MAP7: variants seen among roughly 807,000 people sequenced by gnomAD.
MAP7 encodes microtubule associated protein 7, also known as ensconsin.
MAP7 carries 52 observed loss-of-function variants against 94.8 expected under a neutral mutation model. That is an observed-to-expected ratio of 0.55 (90% CI 0.44 to 0.69). The LOEUF is 0.69. Ranked by LOEUF, MAP7 falls within the 30% of genes least tolerant of loss-of-function variation. The pLI, the probability that MAP7 is intolerant of heterozygous loss-of-function variation, is 0.00. For missense variants in MAP7, 940 were observed against 964.6 expected (o/e 0.97, Z 0.34); for synonymous variants, 350 against 357.0 (o/e 0.98, Z 0.22).
chr6:136,526,813 G>T, intron 1 of MAP7: 1 of 329,546 alleles, frequency 3.0e-6, no homozygotes. Context: ...GGCATGGCTG[G>T]TACCCACAGA....
chr6:136,371,399 A>G (rs1164971684), intron 8 of MAP7, among the ~76,000 whole-genome samples: 1 of 152,118 alleles, frequency 6.6e-6, no homozygotes, highest in African/African-American at 2.4e-5. Flanking sequence ...ATAAATTAAA[A>G]CTTTCCAGAC....
At chr6:136,378,190 C>A (rs777011096) in intron 6 of MAP7, among the ~76,000 whole-genome samples, 10 of 150,506 alleles carry the variant, frequency 6.6e-5, no homozygotes, top group Non-Finnish European at 1.5e-4. Context: ...TGGTGTATAT[C>A]TATAACTCCA....
chr6:136,396,234 A>ATTTT, intron 3 of MAP7, among the ~76,000 whole-genome samples: 1 of 152,138 alleles, frequency 6.6e-6, no homozygotes, highest in African/African-American at 2.4e-5. Flanking sequence ...AATTTTTTTC[A>ATTTT]TCAGTGTTTT....
chr6:136,465,883 C>G (rs1190379536), intron 1 of MAP7, among the ~76,000 whole-genome samples: 1 of 152,082 alleles, frequency 6.6e-6, no homozygotes, highest in Non-Finnish European at 1.5e-5. Context: ...TTTTATAACA[C>G]AAATTTGCAA....
chr6:136,526,681 T>C (rs1827960025), intron 1 of MAP7: 1 of 985,332 alleles, frequency 1.0e-6, no homozygotes, highest in South Asian at 4.7e-5. Flanking sequence ...AGAGTTTTGC[T>C]TGCACAAGCA....
chr6:136,405,462 C>G (rs1785309914), intron 3 of MAP7, among the ~76,000 whole-genome samples: 1 of 152,172 alleles, frequency 6.6e-6, no homozygotes. Flanking sequence ...AGGAAAAACA[C>G]TCTAGGTGGA....
intron 1 of MAP7, among the ~76,000 whole-genome samples, chr6:136,487,470 G>C (rs949887228): frequency 6.6e-6 from 1 of 152,082 alleles, no homozygotes; most frequent in Non-Finnish European, 1.5e-5. Flanking sequence ...CAGCACTTTG[G>C]GAGACCAAGG....
At chr6:136,516,145 C>T (rs1409227837) in intron 1 of MAP7, among the ~76,000 whole-genome samples, 1 of 150,960 alleles carries the variant, frequency 6.6e-6, no homozygotes, top group Non-Finnish European at 1.5e-5. Flanking sequence ...GGTCTGGGGA[C>T]ATCCTTAGGG....
chr6:136,468,227 T>G (rs1320602171), intron 1 of MAP7, among the ~76,000 whole-genome samples: 14 of 152,188 alleles, frequency 9.2e-5, no homozygotes, highest in Admixed American at 9.2e-4. Context: ...ATGGTACTGA[T>G]CCTGACATTA....
chr6:136,523,496 T>A lies in MAP7; in HGVS notation c.67+26846A>T, dbSNP rs552419850. ...TACAGAACATTTCCATCATTTTCCA[T>A]GGAACAAAGCTGGACTACAAAGTGA... On this transcript the variant is annotated intron_variant, in intron 1 of 17. Coordinates refer to ENST00000354570, the MANE Select transcript of MAP7 (RefSeq NM_003980.6). 3.9e-5 allele frequency among the ~76,000 whole-genome samples: 6 copies of A among 152,352 alleles called. No homozygotes were observed. In the South Asian group the frequency reaches 1.2e-3, roughly 32 times the overall value.
chr6:136,389,319 G>T, intron 4 of MAP7, 35 bp downstream of exon 4: 1 of 1,511,784 alleles, frequency 6.6e-7, no homozygotes, highest in East Asian at 2.3e-5. Flanking sequence ...CTGAACTAGA[G>T]GAGCCACTCA....
chr6:136,466,715 G>A (rs531868358), intron 1 of MAP7: 286 of 1,518,798 alleles, frequency 1.9e-4, no homozygotes, highest in Non-Finnish European at 2.4e-4. Flanking sequence ...ATTCTTGAAC[G>A]TCCTTATTAA....
intron 1 of MAP7, among the ~76,000 whole-genome samples, chr6:136,442,405 C>CA (rs549791806): frequency 0.025 from 2,262 of 90,578 alleles, 97 homozygotes; most frequent in East Asian, 0.16. Flanking sequence ...ACTCTGTCTC[C>CA]AAAAAAAAAA....
At chr6:136,444,604 T>C (rs1798783987) in intron 1 of MAP7, among the ~76,000 whole-genome samples, 1 of 152,162 alleles carries the variant, frequency 6.6e-6, no homozygotes, top group Non-Finnish European at 1.5e-5. Context: ...ATAGTGATGT[T>C]TTCCTTAACC....
chr6:136,516,975 CA>C (rs397770361), intron 1 of MAP7, among the ~76,000 whole-genome samples: 195 of 139,868 alleles, frequency 1.4e-3, no homozygotes, highest in South Asian at 6.5e-3. Flanking sequence ...AAAACCCTTG[CA>C]AAAAAAAAAA....
chr6:136,383,524 T>C (rs1487846636), intron 6 of MAP7, 147 bp downstream of exon 6: 3 of 501,888 alleles, frequency 6.0e-6, no homozygotes, highest in Non-Finnish European at 1.0e-5. Flanking sequence ...CTCAGCCGTT[T>C]ATTGCTTTTT....
chr6:136,369,632 T>G (rs1795114273), intron 8 of MAP7, among the ~76,000 whole-genome samples: 1 of 151,414 alleles, frequency 6.6e-6, no homozygotes, highest in South Asian at 2.1e-4. Flanking sequence ...CAAACCCTTG[T>G]GTATATGGTC....
chr6:136,518,035 A>G (rs538707716), intron 1 of MAP7, among the ~76,000 whole-genome samples: 1 of 152,312 alleles, frequency 6.6e-6, no homozygotes, highest in Non-Finnish European at 1.5e-5. Context: ...CCTCTTGGTC[A>G]TGCACTCAGC....
intron 8 of MAP7, among the ~76,000 whole-genome samples, chr6:136,367,933 G>A (rs1227888468): frequency 6.6e-6 from 1 of 151,784 alleles, no homozygotes; most frequent in Non-Finnish European, 1.5e-5. Flanking sequence ...TCAGATCAAT[G>A]GGTGATGTAA....
Sources: gnomAD v4.1 joint callset for allele counts (sites outside exome capture counted in the v4.1 genomes callset) on GRCh38, gnomAD v4.1.1 for gene constraint, MANE v1.5 for transcripts, NCBI Gene and HGNC (gene_info 2026-07-23, HGNC 2026-07-21) for gene names.